The following HIRA variants were observed in gnomAD, a reference collection of about 807,000 sequenced individuals.
HIRA encodes protein HIRA.
Under a neutral mutation model 126.6 loss-of-function variants are expected in HIRA, and 13 were observed. That is an observed-to-expected ratio of 0.10 (90% CI 0.07 to 0.16). The LOEUF (loss-of-function observed/expected upper bound fraction) is 0.16. HIRA is among the 10% of genes least tolerant of loss of function. The pLI, the probability that HIRA is intolerant of heterozygous loss-of-function variation, is 1.00. For synonymous variants in HIRA, 511 were observed against 520.0 expected (o/e 0.98, Z 0.24); for missense variants, 834 against 1,314.4 (o/e 0.63, Z 5.65).
Position 19,369,410 on chromosome 22 carries a change from C to T in HIRA, c.1775+6221G>A, listed in dbSNP as rs114398759. Among the ~76,000 whole-genome samples the T allele has an allele frequency of 3.5e-3, 530 of 152,240 alleles. 3 individuals carry two copies. The highest frequency in any genetic ancestry group is 0.012 in the African/African-American group (515 of 41,532). On this transcript the variant is annotated intron_variant, in intron 15 of 24. Coordinates refer to ENST00000263208, the MANE Select transcript of HIRA (RefSeq NM_003325.4). ...CTGACATGTGCTGCTCACCGTGAGG[C>T]AAGGACCAAGATACGGCTTTACAGG...
In HIRA at chr22:19,361,772, C is replaced by A. The variant is rs775255840; in HGVS notation, c.1935G>T (p.Arg645=). The change falls in exon 16 of 25, where the codon CGG becomes CGT. Residue 645 remains arginine, a synonymous_variant. Transcript: ENST00000263208. ...VETVEKKKKG[R]PRKDSRLMPV... Reference sequence around the variant, plus strand: ...GCATGAGACGAGAGTCCTTCCGAGGCCGCCCTTTCTTCTTCTTCTCTACTG... The same window carrying A: ...GCATGAGACGAGAGTCCTTCCGAGGACGCCCTTTCTTCTTCTTCTCTACTG... 6.2e-7 allele frequency: 1 copy of A among 1,613,192 alleles called. No homozygotes were observed. The highest frequency in any genetic ancestry group is 1.3e-5 in the African/African-American group (1 of 74,914).
In HIRA at chr22:19,361,790, C is replaced by T. The variant is rs1056450021; in HGVS notation, c.1917G>A (p.Glu639=). ...RKLELEVETV[E]KKKKGRPRKD... ...TCCGAGGCCGCCCTTTCTTCTTCTT[C>T]TCTACTGTCTCTACCTCAAGCTCAA... is the stretch of plus-strand genomic sequence containing the variant. Residue 639 remains glutamate (E), a synonymous_variant, in exon 16 of 25, where the codon GAG becomes GAA. Transcript: ENST00000263208. 8 of 1,613,796 alleles carry T rather than the reference C, an allele frequency of 5.0e-6. No homozygotes were observed. The African/African-American group carries it at 8.0e-5, about 16-fold the overall frequency.
At chr22:19,430,789 C>T (rs1369520083) in intron 1 of HIRA, among the ~76,000 whole-genome samples, 2 of 152,190 alleles carry the variant, frequency 1.3e-5, no homozygotes, top group South Asian at 2.1e-4. Flanking sequence ...GAGTCCGTTC[C>T]CCAAGGGTGT....
intron 3 of HIRA, 26 bp from the exon 4 acceptor site, chr22:19,407,300 T>C (rs914110580): frequency 3.1e-5 from 49 of 1,584,802 alleles, no homozygotes; most frequent in Non-Finnish European, 3.6e-5. Flanking sequence ...AATAAGGTGA[T>C]GAAAATCCAG....
intron 1 of HIRA, among the ~76,000 whole-genome samples, chr22:19,410,998 G>T (rs1376752212): frequency 6.6e-6 from 1 of 152,222 alleles, no homozygotes; most frequent in Non-Finnish European, 1.5e-5. Flanking sequence ...ATGTGTGTTT[G>T]TAATGGCTAT....
intron 13 of HIRA, among the ~76,000 whole-genome samples, chr22:19,378,756 C>G (rs1055221217): frequency 2.0e-5 from 3 of 152,194 alleles, no homozygotes; most frequent in African/African-American, 7.2e-5. Flanking sequence ...TTATGAAATT[C>G]TAATAATTGT....
intron 5 of HIRA, among the ~76,000 whole-genome samples, chr22:19,402,923 T>C (rs754114659): frequency 7.9e-5 from 12 of 151,034 alleles, no homozygotes; most frequent in Non-Finnish European, 1.3e-4. Context: ...CTGGGCAACA[T>C]AGTGAAACCC....
At chr22:19,336,740 G>A (rs1486802055) in intron 24 of HIRA, among the ~76,000 whole-genome samples, 1 of 152,178 alleles carries the variant, frequency 6.6e-6, no homozygotes, top group Non-Finnish European at 1.5e-5. Context: ...CCCCAGCATG[G>A]GCCCAGAGCC....
At chr22:19,390,337 A>G (rs951174296) in intron 9 of HIRA, among the ~76,000 whole-genome samples, 24 of 152,162 alleles carry the variant, frequency 1.6e-4, no homozygotes, top group African/African-American at 5.6e-4. Context: ...TCACACCTGT[A>G]ATCCCAGTAC....
At chr22:19,360,575 C>T (rs888395010) in intron 17 of HIRA, among the ~76,000 whole-genome samples, 3 of 152,130 alleles carry the variant, frequency 2.0e-5, no homozygotes, top group Admixed American at 6.5e-5. Flanking sequence ...GGAAGTGACC[C>T]GCAAGCAGGG....
Position 19,407,188 on chromosome 22 carries a change from C to T in HIRA, c.298G>A (p.Ala100Thr), listed in dbSNP as rs762244204. The T allele has an allele frequency of 6.2e-7, 1 of 1,612,304 alleles. No homozygotes were observed. Among genetic ancestry groups the T allele is most frequent in the Non-Finnish European group, 8.5e-7 (1 of 1,178,422 alleles). Residue 100 changes from alanine (A) to threonine (T), a missense_variant, in exon 4 of 25, where the codon GCT (alanine) becomes ACT (threonine). By Grantham distance (58) the Ala-to-Thr change is moderately conservative. Transcript: ENST00000263208. ...AGAAAGGAAAATGATGCTTACGTAG[C>T]CCGCTTCCACACCATAATCAGTTTG... ...DDKLIMVWKRATYIGPSTVFG... is the reference protein window; with the variant it reads ...DDKLIMVWKRTTYIGPSTVFG...
At chr22:19,384,975 G>A (rs2089112696) in intron 12 of HIRA, among the ~76,000 whole-genome samples, 1 of 152,080 alleles carries the variant, frequency 6.6e-6, no homozygotes, top group Non-Finnish European at 1.5e-5. Flanking sequence ...TTTTCAAACT[G>A]ACTTTCAAAA....
chr22:19,391,782 A>G lies in HIRA; in HGVS notation c.936+319T>C, dbSNP rs186381819. 1.4e-4 allele frequency among the ~76,000 whole-genome samples: 21 copies of G among 152,274 alleles called. 1 individual carries two copies. Among genetic ancestry groups the G allele is most frequent in the Non-Finnish European group, 7.4e-5 (5 of 68,018 alleles). ...GGCGTGAGCCACCGCGCCCAGCCAT[A>G]TAAAGATTTTTCTAATAGGAAGCAA... On this transcript the variant is annotated intron_variant, in intron 9 of 24. Coordinates refer to ENST00000263208, the MANE Select transcript of HIRA (RefSeq NM_003325.4).
At chr22:19,420,163 A>T (rs771229972) in intron 1 of HIRA, among the ~76,000 whole-genome samples, 2 of 151,924 alleles carry the variant, frequency 1.3e-5, no homozygotes, top group Non-Finnish European at 2.9e-5. Context: ...ACATATAATC[A>T]ACAAAGTTTT....
At position 19,351,332 on chromosome 22, in the gene HIRA, G is replaced by A; in HGVS notation, c.2937+26C>T. 6.3e-7 allele frequency: 1 copy of A among 1,577,732 alleles called. No homozygotes were observed. The highest frequency in any genetic ancestry group is 8.6e-7 in the Non-Finnish European group (1 of 1,167,464). ...CTTCATGTTTCAAGAAAGAATTCTT[G>A]CAGCAACAATGAAAGAAGCACCTAC... On this transcript the variant is annotated intron_variant, in intron 24 of 24. Coordinates refer to ENST00000263208, the MANE Select transcript of HIRA (RefSeq NM_003325.4). The surrounding 1 kb of genome is among the most constrained non-coding windows in gnomAD (Gnocchi z 4.8).
In HIRA at chr22:19,336,090, C is replaced by CA. The variant is rs377434024; in HGVS notation, c.2938-4535dup. On this transcript the variant is annotated intron_variant, in intron 24 of 24. Transcript: ENST00000263208. ...TCAAAAGAGACAATCTTGAAAGTGG[C>CA]AAAAAAAAAGTGACTCATGAGAGGG... Among the ~76,000 whole-genome samples, 574 of 150,290 alleles carry CA rather than the reference C, an allele frequency of 3.8e-3. 3 individuals carry two copies. The highest frequency in any genetic ancestry group is 4.1e-3 in the Non-Finnish European group (279 of 67,530).
Position 19,377,853 on chromosome 22 carries a change from C to T in HIRA, c.1613+16G>A. 6.3e-7 allele frequency: 1 copy of T among 1,589,194 alleles called. No homozygotes were observed. The highest frequency in any genetic ancestry group is 8.6e-7 in the Non-Finnish European group (1 of 1,166,256). ...ACTTTCCCCAGGGACAGGAACAAGC[C>T]TTGGCACCCACTAACCTGTCTTTAT... On this transcript the variant is annotated intron_variant, in intron 14 of 24. Coordinates refer to ENST00000263208, the MANE Select transcript of HIRA (RefSeq NM_003325.4).
chr22:19,373,348 T>C (rs2146207835), intron 15 of HIRA, among the ~76,000 whole-genome samples: 1 of 152,366 alleles, frequency 6.6e-6, no homozygotes, highest in African/African-American at 2.4e-5. Flanking sequence ...CATCTGACAA[T>C]TCTATGATCA....
chr22:19,405,629 T>A, intron 5 of HIRA, 157 bp downstream of exon 5: 1 of 619,710 alleles, frequency 1.6e-6, no homozygotes, highest in Non-Finnish European at 2.0e-6. Context: ...GCACAGATCT[T>A]AAGGGACAGG....
Sources: gnomAD v4.1 joint callset for allele counts (sites outside exome capture counted in the v4.1 genomes callset) on GRCh38, gnomAD v4.1.1 for gene constraint, Gnocchi (gnomAD v3.1) non-coding constraint, MANE v1.5 for transcripts, NCBI Gene and HGNC (gene_info 2026-07-23, HGNC 2026-07-21) for gene names.